Variants in FBXW11 observed in about 807,000 individuals in gnomAD.
FBXW11 encodes the protein F-box/WD repeat-containing protein 11.
Under a neutral mutation model 77.6 loss-of-function variants are expected in FBXW11, and 19 were observed. The ratio of observed to expected loss-of-function variants is 0.24; its 90% CI spans 0.17 to 0.36. FBXW11 has a LOEUF of 0.36. Ranked by LOEUF, FBXW11 falls within the 10% of genes least tolerant of loss-of-function variation. The probability of loss-of-function intolerance (pLI) is 1.00; values close to 1 mark genes in which losing one functional copy is unlikely to be tolerated. For missense variants in FBXW11, 334 were observed against 704.2 expected (o/e 0.47, Z 5.95); for synonymous variants, 235 against 249.4 (o/e 0.94, Z 0.54).
At chr5:171,921,247 G>A (rs1482521218) in intron 2 of FBXW11, among the ~76,000 whole-genome samples, 1 of 152,126 alleles carries the variant, frequency 6.6e-6, no homozygotes, top group African/African-American at 2.4e-5. Flanking sequence ...CAGGCTCTTA[G>A]CAGTGATATA....
At chr5:171,874,526 A>C (rs769043252) in intron 9 of FBXW11, among the ~76,000 whole-genome samples, 2 of 152,134 alleles carry the variant, frequency 1.3e-5, no homozygotes, top group Non-Finnish European at 2.9e-5. Context: ...TTAGCTTCCC[A>C]GCTATCCAAT....
chr5:171,889,662 G>A (rs535513353), intron 7 of FBXW11, among the ~76,000 whole-genome samples: 195 of 152,052 alleles, frequency 1.3e-3, no homozygotes, highest in Middle Eastern at 6.8e-3. Context: ...CGGGGCAGGT[G>A]GATCACCTAA....
chr5:171,967,867 TA>T (rs2113393201), intron 1 of FBXW11, among the ~76,000 whole-genome samples: 1 of 25,692 alleles, frequency 3.9e-5, no homozygotes, highest in South Asian at 2.6e-3. Context: ...TATATATATA[TA>T]TATATATATA....
At chr5:171,915,269 C>A (rs1350022889) in intron 2 of FBXW11, among the ~76,000 whole-genome samples, 1 of 152,126 alleles carries the variant, frequency 6.6e-6, no homozygotes, top group Non-Finnish European at 1.5e-5. Context: ...ATTTAAACAA[C>A]ATTTGTCTCA....
At chr5:171,891,420 C>G in intron 7 of FBXW11, 47 bp downstream of exon 7, 1 of 1,534,914 alleles carries the variant, frequency 6.5e-7, no homozygotes, top group African/African-American at 1.4e-5. Context: ...GTGTCTAACA[C>G]ATAGCCACGA....
At chr5:171,907,841 G>C (rs1445411574) in intron 4 of FBXW11, among the ~76,000 whole-genome samples, 1 of 152,134 alleles carries the variant, frequency 6.6e-6, no homozygotes, top group African/African-American at 2.4e-5. Context: ...TCTTCTCCAA[G>C]GCTGTATACT....
intron 2 of FBXW11, among the ~76,000 whole-genome samples, chr5:171,918,004 T>C (rs1164977199): frequency 1.3e-5 from 2 of 152,010 alleles, no homozygotes; most frequent in African/African-American, 4.8e-5. Flanking sequence ...TCAGCACATA[T>C]TGGCAAACAC....
chr5:171,956,107 T>A (rs1307334107), intron 2 of FBXW11, among the ~76,000 whole-genome samples: 2 of 152,136 alleles, frequency 1.3e-5, no homozygotes, highest in East Asian at 3.8e-4. Context: ...TGGAAAAAAC[T>A]CGGTCAGCCC....
chr5:171,938,955 G>A (rs540589703), intron 2 of FBXW11, among the ~76,000 whole-genome samples: 1 of 152,174 alleles, frequency 6.6e-6, no homozygotes, highest in Admixed American at 6.5e-5. Context: ...GCAAAGATAG[G>A]CCAGGCGCAG....
At chr5:171,867,051 T>C (rs1348934420) in intron 13 of FBXW11, among the ~76,000 whole-genome samples, 4 of 152,112 alleles carry the variant, frequency 2.6e-5, no homozygotes, top group African/African-American at 9.7e-5. Context: ...GGTCCCAGAA[T>C]CCTTCCAAAG....
At chr5:171,998,987 T>C (rs1050484475) in intron 1 of FBXW11, among the ~76,000 whole-genome samples, 5 of 152,158 alleles carry the variant, frequency 3.3e-5, no homozygotes, top group African/African-American at 1.2e-4. Flanking sequence ...TGATTGTTCA[T>C]ATTGTAGGTA....
chr5:171,996,214 A>T (rs2113586555), intron 1 of FBXW11, among the ~76,000 whole-genome samples: 1 of 152,300 alleles, frequency 6.6e-6, no homozygotes, highest in South Asian at 2.1e-4. Context: ...AACCGCAAAA[A>T]ATATTTTGAC....
intron 1 of FBXW11, among the ~76,000 whole-genome samples, chr5:171,961,050 T>C (rs2113345589): frequency 6.6e-6 from 1 of 152,330 alleles, no homozygotes; most frequent in African/African-American, 2.4e-5. Flanking sequence ...GGATATCTCA[T>C]CTCATTTTTA....
chr5:171,884,188 C>T (rs1307067540), intron 7 of FBXW11, among the ~76,000 whole-genome samples: 1 of 152,182 alleles, frequency 6.6e-6, no homozygotes, highest in Non-Finnish European at 1.5e-5. Context: ...GTTTAAAGTC[C>T]TTAATCCACA....
intron 9 of FBXW11, among the ~76,000 whole-genome samples, chr5:171,875,028 A>G (rs1757986774): frequency 6.6e-6 from 1 of 152,232 alleles, no homozygotes; most frequent in Non-Finnish European, 1.5e-5. Flanking sequence ...TATTTATAAC[A>G]GCATCATTTG....
intron 1 of FBXW11, among the ~76,000 whole-genome samples, chr5:171,989,593 C>T (rs971340604): frequency 6.6e-6 from 1 of 152,246 alleles, no homozygotes; most frequent in African/African-American, 2.4e-5. Context: ...CAAGGTTACA[C>T]ATCCTACAAG....
At chr5:171,897,702 G>T (rs1449782410) in intron 6 of FBXW11, among the ~76,000 whole-genome samples, 1 of 151,264 alleles carries the variant, frequency 6.6e-6, no homozygotes, top group Non-Finnish European at 1.5e-5. Flanking sequence ...GAATTTTTTT[G>T]ATAAAATTAT....
At chr5:172,003,545 A>G (rs888013688) in intron 1 of FBXW11, among the ~76,000 whole-genome samples, 50 of 152,222 alleles carry the variant, frequency 3.3e-4, no homozygotes, top group Admixed American at 6.5e-4. Context: ...TAAGGCCCTA[A>G]AAGTCATCTG....
At chr5:171,897,266 G>A (rs1759804261) in intron 6 of FBXW11, among the ~76,000 whole-genome samples, 1 of 152,170 alleles carries the variant, frequency 6.6e-6, no homozygotes. Context: ...TTACTTTTAT[G>A]ATTATTACTA....
Sources: allele counts gnomAD v4.1 joint callset (sites outside exome capture counted in the v4.1 genomes callset), GRCh38; gene constraint gnomAD v4.1.1; transcripts MANE v1.5; gene names NCBI Gene and HGNC (gene_info 2026-07-23, HGNC 2026-07-21).